The following STAB2 variants were observed in gnomAD, a reference collection of about 807,000 sequenced individuals.
STAB2 encodes the protein stabilin-2.
STAB2 carries 288 observed loss-of-function variants against 338.1 expected under a neutral mutation model. The observed-to-expected ratio is 0.85, with a 90% confidence interval of 0.77 to 0.94. The LOEUF (loss-of-function observed/expected upper bound fraction) is 0.94. Ranked by LOEUF, STAB2 falls within the 40% of genes least tolerant of loss-of-function variation. STAB2 has a pLI of 0.00. For missense variants in STAB2, 3,141 were observed against 3,210.1 expected, an observed-to-expected ratio of 0.98 and a Z score of 0.52; for synonymous variants, 1,202 against 1,193.3, an observed-to-expected ratio of 1.01 and a Z score of -0.15.
chr12:103,672,433 G>A (rs574275472), intron 22 of STAB2, among the ~76,000 whole-genome samples: 5 of 152,288 alleles, frequency 3.3e-5, no homozygotes, highest in South Asian at 2.1e-4. Context: ...CCAGGGCTAC[G>A]GCTGTGCACA....
At position 103,655,280 on chromosome 12, in the gene STAB2, G is replaced by T. The variant is rs1383030103; in HGVS notation, c.1581G>T (p.Arg527Ser). 1 of 1,613,122 alleles carries T rather than the reference G, an allele frequency of 6.2e-7. No individual in the cohort carries two copies. The highest frequency in any genetic ancestry group is 1.1e-5 in the South Asian group (1 of 90,596). ...EQTIMTMLQP[R>S]YSKFRSLLEE... The stretch of plus-strand genomic sequence containing the variant: ...CCATAATGACAATGCTACAACCAAG[G>T]TACAGCAAGTTCAGATCTTTGTTAG... Residue 527 changes from arginine to serine, a missense_variant, in exon 14 of 69, where the codon AGG becomes AGT. Arg to Ser is a moderately radical substitution (Grantham distance 110). Transcript: ENST00000388887.
chr12:103,742,633 A>T, intron 56 of STAB2, 79 bp downstream of exon 56: 4 of 1,584,210 alleles, frequency 2.5e-6, no homozygotes, highest in Non-Finnish European at 3.4e-6. Context: ...CATCTGCCTG[A>T]CCTGGAGGCA....
rs1431572601 is a variant in STAB2, at chr12:103,766,343, G to A, written c.*7G>A. 6.2e-7 allele frequency: 1 copy of A among 1,604,154 alleles called. No individual in the cohort carries two copies. Among genetic ancestry groups the A allele is most frequent in the Admixed American group, 1.7e-5 (1 of 59,338 alleles). On this transcript the variant is annotated 3_prime_UTR_variant, in exon 69 of 69. Coordinates refer to ENST00000388887, the MANE Select transcript of STAB2 (RefSeq NM_017564.10). ...CCCCTTGAGGACACTGTGAGGGCCTGGACGGGAGATGCCAGCCATCACTCA... is the reference window on the plus strand; with the variant it reads ...CCCCTTGAGGACACTGTGAGGGCCTAGACGGGAGATGCCAGCCATCACTCA...
rs531725680 is a variant in STAB2, at chr12:103,721,932, TGTTG to T, written c.4684-3039_4684-3036del. Among the ~76,000 whole-genome samples the T allele has an allele frequency of 8.2e-3, 1,250 of 152,346 alleles. 19 individuals carry two copies. The highest frequency in any genetic ancestry group is 0.029 in the African/African-American group (1,192 of 41,572). On this transcript the variant is annotated intron_variant, in intron 44 of 68. Transcript: ENST00000388887. ...ACTATCTAGATTTTTTGTTGAGACATGTTGGTTCTACTCATGAAGATAAGGATGG... is the reference window on the plus strand; with the variant it reads ...ACTATCTAGATTTTTTGTTGAGACATGTTCTACTCATGAAGATAAGGATGG...
At chr12:103,676,876 G>T (rs1333267500) in intron 24 of STAB2, among the ~76,000 whole-genome samples, 1 of 152,140 alleles carries the variant, frequency 6.6e-6, no homozygotes, top group Non-Finnish European at 1.5e-5. Context: ...CTGGCTCTGA[G>T]GATAAAATCT....
chr12:103,603,065 T>TTTTTG (rs907169933), intron 3 of STAB2, among the ~76,000 whole-genome samples: 60 of 152,144 alleles, frequency 3.9e-4, no homozygotes, highest in African/African-American at 1.3e-3. Context: ...CTTTTTTTTG[T>TTTTTG]TTTTGTTTTG....
chr12:103,718,816 A>T (rs1315376544), intron 44 of STAB2, among the ~76,000 whole-genome samples: 3 of 151,862 alleles, frequency 2.0e-5, no homozygotes, highest in African/African-American at 7.3e-5. Flanking sequence ...GATCCACATG[A>T]CTCTAGGGTT....
At position 103,652,610 on chromosome 12, in the gene STAB2, A is replaced by G; in HGVS notation, c.1312A>G (p.Ile438Val). 3 of 1,609,770 alleles carry G rather than the reference A, an allele frequency of 1.9e-6. No homozygotes were observed. The highest frequency in any genetic ancestry group is 2.5e-6 in the Non-Finnish European group (3 of 1,178,188). ...KAAQYFVKLH[I>V]IAGQMNIEYM... ...TGCTCAATACTTTGTGAAACTCCAC[A>G]TAATTGCTGGTCAGATGAACATCGA... is the stretch of plus-strand genomic sequence containing the variant. The change falls in exon 12 of 69, where the codon ATA becomes GTA. Residue 438 changes from isoleucine to valine, a missense_variant. Physicochemically the swap from Ile to Val is conservative, Grantham distance 29. Transcript: ENST00000388887.
rs182788675 is a variant in STAB2, at chr12:103,762,747, C to T, written c.7488+345C>T. The stretch of plus-strand genomic sequence containing the variant: ...TGGAGGATTCACTGCACAAGCACAC[C>T]CCATGACCTAGCTTGGGCTTCAAGA... On this transcript the variant is annotated intron_variant, in intron 67 of 68. Transcript: ENST00000388887. Among the ~76,000 whole-genome samples the T allele has an allele frequency of 5.4e-3, 825 of 152,304 alleles. 4 individuals are homozygous for T. The highest frequency in any genetic ancestry group is 8.7e-3 in the Admixed American group (133 of 15,302).
chr12:103,739,144 A>AT lies in STAB2; in HGVS notation c.5698-253dup, dbSNP rs10711740. 2.5e-3 allele frequency among the ~76,000 whole-genome samples: 363 copies of AT among 146,816 alleles called. 4 individuals are homozygous for AT. The highest frequency in any genetic ancestry group is 4.8e-3 in the South Asian group (22 of 4,574). On this transcript the variant is annotated intron_variant, in intron 53 of 68. Transcript: ENST00000388887. ...GTTCATGTGCCACCATGCCTGGCTA[A>AT]TTTTTTTTTTTTTTTACAGTTGGAG... is the stretch of plus-strand genomic sequence containing the variant.
chr12:103,720,201 C>A (rs1880650022), intron 44 of STAB2, among the ~76,000 whole-genome samples: 1 of 152,182 alleles, frequency 6.6e-6, no homozygotes, highest in South Asian at 2.1e-4. Context: ...GCAATTCTTC[C>A]ATGGGCCATT....
intron 25 of STAB2, among the ~76,000 whole-genome samples, chr12:103,681,757 G>C (rs946781564): frequency 1.3e-5 from 2 of 151,676 alleles, no homozygotes; most frequent in Admixed American, 1.3e-4. Context: ...AAGTAGCTGG[G>C]ACTACAGGTG....
At chr12:103,712,259 T>A in intron 40 of STAB2, 108 bp from the exon 41 acceptor site, 2 of 847,104 alleles carry the variant, frequency 2.4e-6, no homozygotes. Flanking sequence ...CTTATGAGTG[T>A]CTCATGGGGG....
chr12:103,731,608 C>T lies in STAB2; in HGVS notation c.5256C>T (p.Gly1752=), dbSNP rs1881642969. 6.2e-7 allele frequency: 1 copy of T among 1,613,838 alleles called. No homozygotes were observed. Among genetic ancestry groups the T allele is most frequent in the Non-Finnish European group, 8.5e-7 (1 of 1,179,928 alleles). ...TTACGACTTTGGCAACAAACAATGG[C>T]TACATCAAATTTAGCAACTTAATAC... The part of the protein sequence containing the change: ...QNLTTLATNN[G]YIKFSNLIQD... The change falls in exon 50 of 69, where the codon GGC becomes GGT. Residue 1752 remains glycine (G), a synonymous_variant. Coordinates refer to ENST00000388887, the MANE Select transcript of STAB2 (RefSeq NM_017564.10).
intron 5 of STAB2, among the ~76,000 whole-genome samples, chr12:103,624,142 T>C (rs906727671): frequency 6.6e-6 from 1 of 152,168 alleles, no homozygotes; most frequent in African/African-American, 2.4e-5. Context: ...GTTTGCAAAC[T>C]CTGTAATAAG....
intron 8 of STAB2, among the ~76,000 whole-genome samples, chr12:103,639,546 T>C (rs552806846): frequency 2.0e-5 from 3 of 151,594 alleles, no homozygotes; most frequent in Non-Finnish European, 4.4e-5. Context: ...CTACTAAAAA[T>C]ACAAAAAATT....
In STAB2 at chr12:103,733,107, G is replaced by T; in HGVS notation, c.5385G>T (p.Gln1795His). 2 of 1,614,134 alleles carry T rather than the reference G, an allele frequency of 1.2e-6. No individual in the cohort carries two copies. The highest frequency in any genetic ancestry group is 1.7e-6 in the Non-Finnish European group (2 of 1,180,018). Reference protein sequence around the residue: ...QALHALPAEQQDFLFNQDNKD... With the variant: ...QALHALPAEQHDFLFNQDNKD... ...TCCATGCCCTACCTGCTGAACAACA[G>T]GACTTCCTGTTCAACCAAGACAACA... Residue 1795 changes from glutamine to histidine, a missense_variant, in exon 51 of 69, where the codon CAG (glutamine) becomes CAT (histidine). Transcript: ENST00000388887.
chr12:103,695,492 G>A (rs910587951), intron 31 of STAB2, 58 bp from the exon 32 acceptor site: 25 of 1,557,290 alleles, frequency 1.6e-5, no homozygotes, highest in Middle Eastern at 1.7e-4. Context: ...CCTATGTATC[G>A]AAAAGCAGTA....
intron 63 of STAB2, among the ~76,000 whole-genome samples, chr12:103,755,960 T>G (rs1235839809): frequency 1.3e-5 from 2 of 152,176 alleles, no homozygotes; most frequent in African/African-American, 4.8e-5. Flanking sequence ...GCATCAACCA[T>G]GTAGGGTCAT....
Sources: gnomAD v4.1 joint callset for allele counts (sites outside exome capture counted in the v4.1 genomes callset) on GRCh38, gnomAD v4.1.1 for gene constraint, MANE v1.5 for transcripts, NCBI Gene and HGNC (gene_info 2026-07-23, HGNC 2026-07-21) for gene names.